Variants in CNIH3 observed in about 807,000 individuals in gnomAD.
The protein encoded by CNIH3 is cornichon family AMPA receptor auxiliary protein 3, also known as protein cornichon homolog 3.
CNIH3 carries 14 observed loss-of-function variants against 24.1 expected under a neutral mutation model. The ratio of observed to expected loss-of-function variants is 0.58; its 90% CI spans 0.38 to 0.91. The LOEUF (loss-of-function observed/expected upper bound fraction) is 0.91. CNIH3 is among the 40% of genes least tolerant of loss of function. CNIH3 has a pLI of 0.00. For synonymous variants in CNIH3, 68 were observed against 73.8 expected (o/e 0.92, Z 0.40); for missense variants, 178 against 196.8 (o/e 0.90, Z 0.57).
chr1:224,635,021 A>G (rs911063159), intron 1 of CNIH3, among the ~76,000 whole-genome samples: 3 of 152,224 alleles, frequency 2.0e-5, no homozygotes, highest in Non-Finnish European at 4.4e-5. Context: ...ATAAAGAACT[A>G]CCTGAGACTG....
At chr1:224,575,134 C>T (rs1221040542) in intron 4 of CNIH3, 1 of 953,548 alleles carries the variant, frequency 1.0e-6, no homozygotes, top group African/African-American at 1.6e-5. Context: ...CTGGAAGATC[C>T]CAGGATCAAG....
In CNIH3 at chr1:224,663,022, T is replaced by A. The variant is rs181388968; in HGVS notation, c.82-17936T>A. The stretch of plus-strand genomic sequence containing the variant: ...GAGGTTGGCACAAAAATAATTGTGG[T>A]TTTTGCCATCTGAAAGCAATGGCAA... On this transcript the variant is annotated intron_variant, in intron 1 of 5. Transcript: ENST00000272133. Among the ~76,000 whole-genome samples, 315 of 151,762 alleles carry A rather than the reference T, an allele frequency of 2.1e-3. 1 individual carries two copies. The highest frequency in any genetic ancestry group is 7.1e-3 in the African/African-American group (293 of 41,366).
At chr1:224,674,016 G>A (rs1208358135) in intron 1 of CNIH3, among the ~76,000 whole-genome samples, 1 of 152,160 alleles carries the variant, frequency 6.6e-6, no homozygotes, top group Non-Finnish European at 1.5e-5. Context: ...CTGTATGCTA[G>A]GGGGAGATTC....
chr1:224,685,151 A>G (rs534420423), intron 3 of CNIH3, among the ~76,000 whole-genome samples: 1 of 152,166 alleles, frequency 6.6e-6, no homozygotes, highest in South Asian at 2.1e-4. Flanking sequence ...TCCAGCTGCT[A>G]TTGCCACAGA....
chr1:224,541,370 G>A (rs12569091), downstream of CNIH3, among the ~76,000 whole-genome samples: 1 of 151,982 alleles, frequency 6.6e-6, no homozygotes. Flanking sequence ...CACTACTTTA[G>A]GCTTATCATA....
intron 1 of CNIH3, among the ~76,000 whole-genome samples, chr1:224,625,787 G>A (rs1026912556): frequency 6.6e-6 from 1 of 152,214 alleles, no homozygotes; most frequent in Non-Finnish European, 1.5e-5. Flanking sequence ...AGGGCTGTCA[G>A]ATGGTGACTG....
chr1:224,487,681 G>C (rs1371062190), intron 1 of CNIH3, among the ~76,000 whole-genome samples: 1 of 152,216 alleles, frequency 6.6e-6, no homozygotes, highest in Non-Finnish European at 1.5e-5. Context: ...GTTCTAAACA[G>C]TTAGGTGAGA....
At chr1:224,467,132 C>T (rs1353792360) in intron 1 of CNIH3, among the ~76,000 whole-genome samples, 3 of 152,060 alleles carry the variant, frequency 2.0e-5, no homozygotes, top group African/African-American at 7.2e-5. Flanking sequence ...CTCAAGTGAT[C>T]ATCCCACCCC....
At chr1:224,694,321 A>G (rs1344006490) in intron 3 of CNIH3, among the ~76,000 whole-genome samples, 2 of 152,316 alleles carry the variant, frequency 1.3e-5, no homozygotes, top group East Asian at 1.9e-4. Flanking sequence ...AAAAGTAAAG[A>G]AGTCCAGCAG....
At chr1:224,441,066 T>A (rs918648214) in intron 1 of CNIH3, among the ~76,000 whole-genome samples, 3 of 152,174 alleles carry the variant, frequency 2.0e-5, no homozygotes, top group Non-Finnish European at 2.9e-5. Flanking sequence ...TCCGCCCCCC[T>A]CGGCCTCCCA....
At chr1:224,587,978 C>A (rs1257564063) in intron 5 of CNIH3, among the ~76,000 whole-genome samples, 1 of 151,314 alleles carries the variant, frequency 6.6e-6, no homozygotes, top group African/African-American at 2.4e-5. Context: ...TAAAAACTAA[C>A]AAATAATTAA....
intron 2 of CNIH3, among the ~76,000 whole-genome samples, chr1:224,530,395 A>T (rs925558430): frequency 5.9e-5 from 9 of 152,128 alleles, no homozygotes; most frequent in Non-Finnish European, 1.3e-4. Flanking sequence ...TATCATTATC[A>T]ATATTAACTA....
intron 3 of CNIH3, among the ~76,000 whole-genome samples, chr1:224,687,563 C>T (rs534789699): frequency 2.0e-5 from 3 of 152,154 alleles, no homozygotes; most frequent in Non-Finnish European, 4.4e-5. Flanking sequence ...TGGAATCTCC[C>T]TCCTCCTCCA....
At chr1:224,706,038 C>T (rs1485970657) in intron 3 of CNIH3, among the ~76,000 whole-genome samples, 2 of 151,830 alleles carry the variant, frequency 1.3e-5, no homozygotes, top group Non-Finnish European at 1.5e-5. Context: ...TTTTTCTTTC[C>T]GCAGCTAGAC....
chr1:224,574,867 C>T (rs116449248), intron 4 of CNIH3: 50,052 of 985,070 alleles, frequency 0.051, 1,717 homozygotes, highest in East Asian at 0.14. Flanking sequence ...GACACATGGG[C>T]GGGCATGGAA....
intron 1 of CNIH3, among the ~76,000 whole-genome samples, chr1:224,677,974 GAAAACCGATGTCAGCCTT>G (rs1686217847): frequency 6.6e-6 from 1 of 152,146 alleles, no homozygotes. Context: ...TAGGTGCCAG[GAAAACCGATGTCAGCCTT>G]ACAGGAGCTA....
chr1:224,655,526 C>G (rs139492539), intron 1 of CNIH3, among the ~76,000 whole-genome samples: 23 of 152,246 alleles, frequency 1.5e-4, no homozygotes, highest in Non-Finnish European at 2.5e-4. Context: ...AAGTCATTGT[C>G]GATGTCACTG....
At chr1:224,498,778 G>A (rs1677537944) in intron 1 of CNIH3, among the ~76,000 whole-genome samples, 1 of 152,240 alleles carries the variant, frequency 6.6e-6, no homozygotes, top group African/African-American at 2.4e-5. Context: ...GGGGGGCAAG[G>A]AACCTTCACT....
intron 1 of CNIH3, among the ~76,000 whole-genome samples, chr1:224,496,703 C>A (rs1198506658): frequency 6.6e-6 from 1 of 152,202 alleles, no homozygotes; most frequent in East Asian, 1.9e-4. Context: ...TGGAAACAGA[C>A]TCAGTGTGAC....
Sources: gnomAD v4.1 joint callset for allele counts (sites outside exome capture counted in the v4.1 genomes callset) on GRCh38, gnomAD v4.1.1 for gene constraint, MANE v1.5 for transcripts, NCBI Gene and HGNC (gene_info 2026-07-23, HGNC 2026-07-21) for gene names.